Variants in HS6ST3 observed in about 807,000 individuals in gnomAD.
The protein encoded by HS6ST3 is heparan-sulfate 6-O-sulfotransferase 3.
HS6ST3 carries 12 observed loss-of-function variants against 36.7 expected under a neutral mutation model. The observed-to-expected ratio is 0.33, with a 90% CI of 0.21 to 0.53. The LOEUF (loss-of-function observed/expected upper bound fraction) is 0.53, where lower values mean the gene tolerates loss of function less well. Ranked by LOEUF, HS6ST3 falls within the 20% of genes least tolerant of loss-of-function variation. The probability of loss-of-function intolerance (pLI) is 0.95; values close to 1 mark genes in which losing one functional copy is unlikely to be tolerated. For missense variants in HS6ST3, 584 were observed against 640.9 expected (o/e 0.91, Z 0.96); for synonymous variants, 240 against 257.5 (o/e 0.93, Z 0.65).
intron 1 of HS6ST3, among the ~76,000 whole-genome samples, chr13:96,813,935 T>A (rs528764187): frequency 6.6e-6 from 1 of 152,354 alleles, no homozygotes; most frequent in African/African-American, 2.4e-5. Context: ...CTCTTTCAGC[T>A]TTTTGTTTCT....
chr13:96,230,353 GT>G (rs2054502255), intron 1 of HS6ST3, among the ~76,000 whole-genome samples: 1 of 152,144 alleles, frequency 6.6e-6, no homozygotes, highest in Non-Finnish European at 1.5e-5. Context: ...CAGGGTACTG[GT>G]TTTGACAACT....
At chr13:96,523,005 G>T (rs1178693825) in intron 1 of HS6ST3, among the ~76,000 whole-genome samples, 3 of 152,150 alleles carry the variant, frequency 2.0e-5, no homozygotes, top group Non-Finnish European at 4.4e-5. Context: ...GGTACCGGTT[G>T]TTCCTTTCTA....
At chr13:96,546,162 G>T (rs2056196930) in intron 1 of HS6ST3, among the ~76,000 whole-genome samples, 1 of 152,036 alleles carries the variant, frequency 6.6e-6, no homozygotes. Context: ...TAGATAGTAG[G>T]TCTCAAGCTG....
chr13:96,815,055 T>G (rs765676514), intron 1 of HS6ST3, among the ~76,000 whole-genome samples: 3 of 152,200 alleles, frequency 2.0e-5, no homozygotes, highest in Non-Finnish European at 4.4e-5. Context: ...TTTCATTTCT[T>G]ATGGCCACAG....
intron 1 of HS6ST3, among the ~76,000 whole-genome samples, chr13:96,123,018 C>T (rs1237053118): frequency 1.3e-5 from 2 of 152,140 alleles, no homozygotes; most frequent in African/African-American, 4.8e-5. Context: ...CATAGTTTTA[C>T]CCTAGGACTT....
At chr13:96,419,917 T>C (rs1182205820) in intron 1 of HS6ST3, among the ~76,000 whole-genome samples, 1 of 152,172 alleles carries the variant, frequency 6.6e-6, no homozygotes, top group Non-Finnish European at 1.5e-5. Context: ...CTGCAAAGAC[T>C]CTATTTCCAA....
At chr13:96,583,361 G>A (rs185101028) in intron 1 of HS6ST3, among the ~76,000 whole-genome samples, 23 of 151,196 alleles carry the variant, frequency 1.5e-4, no homozygotes, top group East Asian at 7.8e-4. Flanking sequence ...TTACGGGTGC[G>A]TGCCACCACA....
At chr13:96,796,670 G>A (rs1217940828) in intron 1 of HS6ST3, among the ~76,000 whole-genome samples, 1 of 152,060 alleles carries the variant, frequency 6.6e-6, no homozygotes, top group Non-Finnish European at 1.5e-5. Flanking sequence ...TCATACAGAA[G>A]TAAAAACTAG....
intron 1 of HS6ST3, among the ~76,000 whole-genome samples, chr13:96,549,115 C>A (rs1179192104): frequency 2.0e-5 from 3 of 152,294 alleles, no homozygotes; most frequent in Admixed American, 6.5e-5. Flanking sequence ...CCCCTGTTGC[C>A]CTTTCTCCTC....
chr13:96,742,975 A>G (rs1876479142), intron 1 of HS6ST3, among the ~76,000 whole-genome samples: 1 of 152,136 alleles, frequency 6.6e-6, no homozygotes, highest in Non-Finnish European at 1.5e-5. Context: ...GTTGGAGTGG[A>G]GAGAATCTTC....
At chr13:96,720,461 C>T (rs970107782) in intron 1 of HS6ST3, among the ~76,000 whole-genome samples, 10 of 151,944 alleles carry the variant, frequency 6.6e-5, no homozygotes, top group Non-Finnish European at 1.3e-4. Context: ...TTTGCACTAG[C>T]TTTATTTTGC....
chr13:96,583,312 C>T (rs543597581), intron 1 of HS6ST3, among the ~76,000 whole-genome samples: 1 of 129,646 alleles, frequency 7.7e-6, no homozygotes, highest in East Asian at 2.7e-4. Flanking sequence ...CTCCCAAGTT[C>T]GAGCAATTCT....
intron 1 of HS6ST3, among the ~76,000 whole-genome samples, chr13:96,830,054 T>G (rs9582067): frequency 0.45 from 51,860 of 115,560 alleles, 9,092 homozygotes; most frequent in East Asian, 0.55. Flanking sequence ...AACCATTCTG[T>G]TTTTTTTTTC....
intron 1 of HS6ST3, among the ~76,000 whole-genome samples, chr13:96,452,090 T>TG (rs1350828519): frequency 6.6e-6 from 1 of 152,220 alleles, no homozygotes; most frequent in Non-Finnish European, 1.5e-5. Flanking sequence ...ATTTTCACAT[T>TG]GCAATGAACA....
In HS6ST3 at chr13:96,091,437, A is replaced by G. The variant is rs2053763833; in HGVS notation, c.575A>G (p.Lys192Arg). The G allele has an allele frequency of 1.2e-6, 2 of 1,612,116 alleles. No individual in the cohort carries two copies. Among genetic ancestry groups the G allele is most frequent in the Middle Eastern group, 1.7e-4 (1 of 6,058 alleles). ...TGCACCTGCCACCGGCCTGGCAAGA[A>G]GGAGACGTGGCTCTTCTCCCGCTTC... ...KKCTCHRPGK[K>R]ETWLFSRFST... The change falls in exon 1 of 2, where the codon AAG (lysine) becomes AGG (arginine). Residue 192 changes from lysine (K) to arginine (R), a missense_variant. This residue lies in a region of HS6ST3 where 360 missense variants were observed against 411.3 expected (regional missense o/e 0.88). Transcript: ENST00000376705.
In HS6ST3 at chr13:96,835,967, C is replaced by T. The variant is rs1487466750; in HGVS notation, c.*2769C>T. 1 of 152,226 alleles carries T rather than the reference C, an allele frequency of 6.6e-6. No individual in the cohort carries two copies. The allele number at this position is 152,226 out of a possible 1,614,324, so 9.4% of individuals were successfully genotyped here. A position where few individuals can be genotyped will look rare whatever the true frequency, so the allele number is the denominator to read the frequency against. On this transcript the variant is annotated 3_prime_UTR_variant, in exon 2 of 2. Coordinates refer to ENST00000376705, the MANE Select transcript of HS6ST3 (RefSeq NM_153456.4). ...GCTTCCTCCCTCATATCATTTCATT[C>T]TAAAGCAGCAAGCTTGTCATACCCA... is the stretch of plus-strand genomic sequence containing the variant.
At chr13:96,458,176 A>G (rs2055763585) in intron 1 of HS6ST3, among the ~76,000 whole-genome samples, 1 of 152,194 alleles carries the variant, frequency 6.6e-6, no homozygotes, top group Admixed American at 6.5e-5. Flanking sequence ...ATTCATTCCA[A>G]AAGCATTTAC....
intron 1 of HS6ST3, among the ~76,000 whole-genome samples, chr13:96,134,042 C>A (rs2053989429): frequency 6.6e-6 from 1 of 151,990 alleles, no homozygotes; most frequent in African/African-American, 2.4e-5. Context: ...AGAGACTGTC[C>A]TTTCCCCATT....
At chr13:96,680,465 A>G (rs921992157) in intron 1 of HS6ST3, among the ~76,000 whole-genome samples, 1 of 152,146 alleles carries the variant, frequency 6.6e-6, no homozygotes. Flanking sequence ...TTAGGCACTC[A>G]TGTACCTGTA....
Sources: gnomAD v4.1 joint callset for allele counts (sites outside exome capture counted in the v4.1 genomes callset) on GRCh38, gnomAD v4.1.1 for gene constraint, gnomAD v4.1.1 regional missense constraint, MANE v1.5 for transcripts, NCBI Gene and HGNC (gene_info 2026-07-23, HGNC 2026-07-21) for gene names.